Variants in DAB1 observed in about 807,000 individuals in gnomAD.
DAB1 encodes disabled homolog 1.
Under a neutral mutation model 64.6 loss-of-function variants are expected in DAB1, and 15 were observed. The observed-to-expected ratio is 0.23, with a 90% confidence interval of 0.16 to 0.36. DAB1 has a LOEUF of 0.36. DAB1 is among the 10% of genes least tolerant of loss of function. The pLI, the probability that DAB1 is intolerant of heterozygous loss-of-function variation, is 1.00. For synonymous variants in DAB1, 235 were observed against 251.9 expected (o/e 0.93, Z 0.64); for missense variants, 596 against 706.7 (o/e 0.84, Z 1.78).
intron 2 of DAB1, among the ~76,000 whole-genome samples, chr1:57,180,001 T>C (rs1233635826): frequency 6.6e-6 from 1 of 152,136 alleles, no homozygotes; most frequent in Non-Finnish European, 1.5e-5. Context: ...GAAAGAAAAA[T>C]AAAGGCTACC....
intron 6 of DAB1, among the ~76,000 whole-genome samples, chr1:57,789,931 G>A (rs1214253414): frequency 6.6e-6 from 1 of 152,122 alleles, no homozygotes; most frequent in African/African-American, 2.4e-5. Flanking sequence ...GTCGAGCAGT[G>A]TAGAGTGTAC....
At chr1:57,745,991 T>G (rs6682311) in intron 6 of DAB1, among the ~76,000 whole-genome samples, 59,212 of 152,084 alleles carry the variant, frequency 0.39, 11,777 homozygotes, top group Admixed American at 0.44. Flanking sequence ...ATTGTGCACA[T>G]TTTAAAATTC....
intron 5 of DAB1, among the ~76,000 whole-genome samples, chr1:57,909,460 A>G (rs1345841787): frequency 6.6e-6 from 1 of 152,134 alleles, no homozygotes; most frequent in African/African-American, 2.4e-5. Flanking sequence ...TCTTTGTTTT[A>G]TTTTTAATGA....
intron 3 of DAB1, among the ~76,000 whole-genome samples, chr1:58,453,662 G>A (rs1437195446): frequency 6.6e-6 from 1 of 152,198 alleles, no homozygotes; most frequent in Non-Finnish European, 1.5e-5. Context: ...TGCCTCTGCA[G>A]AAACACTTCT....
intron 4 of DAB1, among the ~76,000 whole-genome samples, chr1:58,215,032 T>C (rs2100302727): frequency 6.6e-6 from 1 of 152,326 alleles, no homozygotes; most frequent in African/African-American, 2.4e-5. Flanking sequence ...GCAGAGATGC[T>C]GTCTTCCCCT....
At chr1:57,925,024 C>T (rs960759427) in intron 5 of DAB1, among the ~76,000 whole-genome samples, 6 of 152,096 alleles carry the variant, frequency 3.9e-5, no homozygotes, top group African/African-American at 1.2e-4. Flanking sequence ...TCTTCTAAGA[C>T]GAATATCTGT....
At chr1:58,261,042 C>A (rs1022434587) in intron 4 of DAB1, among the ~76,000 whole-genome samples, 11 of 152,030 alleles carry the variant, frequency 7.2e-5, no homozygotes, top group Admixed American at 5.9e-4. Flanking sequence ...GCAATGTATA[C>A]AGCACTTCAT....
At chr1:58,407,019 G>A (rs1644623058) in intron 3 of DAB1, among the ~76,000 whole-genome samples, 1 of 152,164 alleles carries the variant, frequency 6.6e-6, no homozygotes, top group African/African-American at 2.4e-5. Flanking sequence ...AAATAGAGAT[G>A]TGACATTTTG....
intron 7 of DAB1, among the ~76,000 whole-genome samples, chr1:57,435,657 C>T (rs2101122516): frequency 6.6e-6 from 1 of 152,232 alleles, no homozygotes; most frequent in Admixed American, 6.5e-5. Context: ...CACATCTTGT[C>T]CCAGTGGAAG....
In DAB1 at chr1:58,380,371, C is replaced by T. The variant is rs954677482; in HGVS notation, n.258-36968G>A. Among the ~76,000 whole-genome samples the T allele has an allele frequency of 2.6e-5, 4 of 152,176 alleles. No homozygotes were observed. In the South Asian group the frequency reaches 6.2e-4, roughly 24 times the overall value. ...TTGCTTTCCCATTCACCTTCCATCA[C>T]GATTGTAAGTTTCCTAAGGCCTCCC... On this transcript the variant is annotated intron_variant and non_coding_transcript_variant, in intron 3 of 20. Transcript: ENST00000485760.
chr1:58,086,406 T>C (rs1434641402), intron 5 of DAB1, among the ~76,000 whole-genome samples: 2 of 152,296 alleles, frequency 1.3e-5, no homozygotes, highest in Admixed American at 1.3e-4. Flanking sequence ...TAGACATAGC[T>C]GGAATGATTT....
intron 7 of DAB1, among the ~76,000 whole-genome samples, chr1:57,568,383 A>G (rs570981949): frequency 6.6e-6 from 1 of 152,232 alleles, no homozygotes; most frequent in South Asian, 2.1e-4. Context: ...CTTCATGTCT[A>G]AAACACCAAA....
At chr1:58,314,889 G>A (rs1662516860) in intron 4 of DAB1, among the ~76,000 whole-genome samples, 1 of 152,182 alleles carries the variant, frequency 6.6e-6, no homozygotes, top group Non-Finnish European at 1.5e-5. Context: ...ATCTCCATAA[G>A]AGGTGGATTG....
chr1:58,266,425 AG>A (rs983433847), intron 4 of DAB1, among the ~76,000 whole-genome samples: 32 of 152,212 alleles, frequency 2.1e-4, no homozygotes, highest in African/African-American at 7.7e-4. Flanking sequence ...GTAGAACAGA[AG>A]CACCCAGTCA....
chr1:57,241,242 G>T (rs968788314), intron 2 of DAB1, among the ~76,000 whole-genome samples: 1 of 152,150 alleles, frequency 6.6e-6, no homozygotes, highest in African/African-American at 2.4e-5. Context: ...AATCTCTGCT[G>T]CATAACAGCC....
At chr1:58,305,233 AAAATAAGT>A (rs1466370706) in intron 4 of DAB1, among the ~76,000 whole-genome samples, 2 of 152,176 alleles carry the variant, frequency 1.3e-5, no homozygotes, top group East Asian at 3.9e-4. Context: ...TGCCCTGCAA[AAAATAAGT>A]GTTCTTTGAA....
At chr1:57,294,160 A>C (rs1403273468) in intron 1 of DAB1, among the ~76,000 whole-genome samples, 1 of 152,202 alleles carries the variant, frequency 6.6e-6, no homozygotes, top group African/African-American at 2.4e-5. Flanking sequence ...GCCAGAAACC[A>C]TGTGACAACT....
chr1:58,039,079 T>G (rs140570698), intron 5 of DAB1, among the ~76,000 whole-genome samples: 2 of 152,192 alleles, frequency 1.3e-5, no homozygotes, highest in Non-Finnish European at 2.9e-5. Context: ...GTATTTCTGA[T>G]GCTTTGATGT....
At chr1:58,394,590 A>C (rs1426379350) in intron 3 of DAB1, among the ~76,000 whole-genome samples, 2 of 152,348 alleles carry the variant, frequency 1.3e-5, no homozygotes, top group Non-Finnish European at 2.9e-5. Flanking sequence ...AAAAGGAAGG[A>C]ATTGCTGATA....
Sources: gnomAD v4.1 joint callset for allele counts (sites outside exome capture counted in the v4.1 genomes callset) on GRCh38, gnomAD v4.1.1 for gene constraint, MANE v1.5 for transcripts, NCBI Gene and HGNC (gene_info 2026-07-23, HGNC 2026-07-21) for gene names.